Variants in SYT3 observed in about 807,000 individuals in gnomAD.
SYT3 encodes the protein synaptotagmin 3.
A neutral mutation model predicts 50.6 loss-of-function variants in SYT3; 25 were observed. That is an observed-to-expected ratio of 0.49 (90% CI 0.36 to 0.69). The LOEUF (loss-of-function observed/expected upper bound fraction) is 0.69. SYT3 is among the 30% of genes least tolerant of loss of function. The pLI is 0.00. For missense variants in SYT3, 589 were observed against 793.6 expected (o/e 0.74, Z 3.10); for synonymous variants, 323 against 353.9 (o/e 0.91, Z 0.98).
the SYT3 span, among the ~76,000 whole-genome samples, chr19:50,652,573 C>T: frequency 6.6e-6 from 1 of 152,112 alleles, no homozygotes; most frequent in Non-Finnish European, 1.5e-5. Context: ...TCAGAGAGTC[C>T]AAGTCGCAGA....
chr19:50,627,360 A>C (rs1188041956), intron 6 of SYT3, among the ~76,000 whole-genome samples: 3 of 152,140 alleles, frequency 2.0e-5, no homozygotes, highest in Non-Finnish European at 2.9e-5. Flanking sequence ...CCGACCATCT[A>C]GACCTGGAGC....
At position 50,639,677 on chromosome 19, in the gene SYT3, G is replaced by C. The variant is rs1226220801; in HGVS notation, c.-154+113C>G. ...GAGCGCTGCAGCGCTCCCACTCCCC[G>C]GCCCGAGATCCACGCGCCTCTGCAT... On this transcript the variant is annotated intron_variant, in intron 1 of 10. Transcript: ENST00000600079. This position sits in a 1 kb window ranked among gnomAD's most constrained non-coding sequence, Gnocchi z 4.6. 6.6e-6 allele frequency: 1 copy of C among 151,108 alleles called. No homozygotes were observed. Among genetic ancestry groups the C allele is most frequent in the Non-Finnish European group, 1.5e-5 (1 of 67,506 alleles). The allele number at this position is 151,108 out of a possible 1,614,324, so 9.4% of individuals were successfully genotyped here.
chr19:50,626,310 A>T (rs966672975), intron 6 of SYT3, among the ~76,000 whole-genome samples: 2 of 152,198 alleles, frequency 1.3e-5, no homozygotes. Flanking sequence ...CACAAAGAGA[A>T]ATAGACTGAG....
upstream of SYT3, among the ~76,000 whole-genome samples, chr19:50,644,755 G>A (rs1194108261): frequency 1.3e-5 from 2 of 152,032 alleles, no homozygotes; most frequent in Non-Finnish European, 2.9e-5. Flanking sequence ...GTGGAGGGTT[G>A]GGTGGATGGA....
rs767665467 is a variant in SYT3, at chr19:50,632,339, G to A, written c.621C>T (p.Gly207=). ...GLLLLPPSGG[G]LPSAQSHQQV... ...GCTGATGTGACTGGGCACTGGGCAA[G>A]CCCCCACCACTGGGGGGCAGCAGGA... Residue 207 remains glycine (G), a synonymous_variant, in exon 4 of 11, where the codon GGC becomes GGT. Transcript: ENST00000600079. This position sits in a 1 kb window ranked among gnomAD's most constrained non-coding sequence, Gnocchi z 4.7. 1.0e-5 allele frequency: 16 copies of A among 1,605,262 alleles called. No individual in the cohort carries two copies. The Admixed American group carries it at 2.5e-4, about 25-fold the overall frequency.
the SYT3 span, chr19:50,649,673 T>C: frequency 1.2e-6 from 1 of 805,082 alleles, no homozygotes; most frequent in East Asian, 2.7e-5. Context: ...AGCGGCCCCC[T>C]TGGACCTCAA....
At chr19:50,650,117 TCTCTGACTTC>T in the SYT3 span, among the ~76,000 whole-genome samples, 1 of 152,164 alleles carries the variant, frequency 6.6e-6, no homozygotes, top group South Asian at 2.1e-4. Context: ...CAGAGAGGTC[TCTCTGACTTC>T]CTGCAGTGAT....
At chr19:50,633,716 G>A (rs772977311) in intron 3 of SYT3, among the ~76,000 whole-genome samples, 1 of 152,224 alleles carries the variant, frequency 6.6e-6, no homozygotes, top group Admixed American at 6.5e-5. Flanking sequence ...CTTGAGGGGT[G>A]ATTACATACC....
chr19:50,650,771 G>A, the SYT3 span, among the ~76,000 whole-genome samples: 4 of 152,204 alleles, frequency 2.6e-5, no homozygotes, highest in Non-Finnish European at 5.9e-5. Flanking sequence ...CTCAGCCTTC[G>A]AGGCCGAACA....
the SYT3 span, among the ~76,000 whole-genome samples, chr19:50,651,292 C>T: frequency 6.6e-6 from 1 of 152,192 alleles, no homozygotes; most frequent in Non-Finnish European, 1.5e-5. Flanking sequence ...AAAACCTTGG[C>T]CCATGCTAGG....
At chr19:50,646,703 G>C in the SYT3 span, among the ~76,000 whole-genome samples, 3 of 152,108 alleles carry the variant, frequency 2.0e-5, no homozygotes, top group Non-Finnish European at 4.4e-5. Context: ...CTTATTAAAA[G>C]ATGAGGGCAT....
chr19:50,642,624 G>A (rs575890932), upstream of SYT3, among the ~76,000 whole-genome samples: 7 of 151,932 alleles, frequency 4.6e-5, no homozygotes, highest in East Asian at 1.2e-3. Context: ...ACCTGAGGTC[G>A]GGAGTTTGAG....
At chr19:50,649,679 C>T in the SYT3 span, 3 of 765,404 alleles carry the variant, frequency 3.9e-6, no homozygotes, top group South Asian at 2.9e-5. Flanking sequence ...CCCCTTGGAC[C>T]TCAAACTACA....
Position 50,623,613 on chromosome 19 carries a change from C to CAAAAAAAAAAAA in SYT3, c.1708-870_1708-859dup, listed in dbSNP as rs529397903. Among the ~76,000 whole-genome samples, 92 of 91,606 alleles carry CAAAAAAAAAAAA rather than the reference C, an allele frequency of 1.0e-3. 8 individuals carry two copies. The highest frequency in any genetic ancestry group is 1.4e-3 in the Non-Finnish European group (69 of 48,476). The allele number at this position is 91,606 out of a possible 152,430, so 60.1% of individuals were successfully genotyped here. ...ACAACATGGCAAAACCCTGTCTCTACAAAAAAAAAAAAAAAAAAAAAAAAA... is the reference window on the plus strand; with the variant it reads ...ACAACATGGCAAAACCCTGTCTCTACAAAAAAAAAAAAAAAAAAAAAAAAAAAAAAAAAAAAA... On this transcript the variant is annotated intron_variant, in intron 9 of 10. Transcript: ENST00000600079.
the SYT3 span, among the ~76,000 whole-genome samples, chr19:50,657,279 C>G: frequency 6.6e-6 from 1 of 152,352 alleles, no homozygotes; most frequent in East Asian, 1.9e-4. Flanking sequence ...CACCCCATCA[C>G]TCCACTTCTT....
intron 6 of SYT3, chr19:50,626,266 G>A (rs1207794451): frequency 8.8e-6 from 4 of 452,780 alleles, no homozygotes; most frequent in Admixed American, 3.6e-5. Context: ...AGAGAGAGGA[G>A]GGGAGAGACA....
chr19:50,643,228 G>A (rs557664790), upstream of SYT3, among the ~76,000 whole-genome samples: 12 of 152,062 alleles, frequency 7.9e-5, no homozygotes, highest in Admixed American at 3.9e-4. Context: ...AAATTTAGCC[G>A]GGCATGGTGG....
Position 50,637,160 on chromosome 19 carries a change from C to T in SYT3, c.148+104G>A, listed in dbSNP as rs1021086379. ...CAGGCAGAATGGGGGCAAGACGCTA[C>T]GAGGGACTGACCCCACAAGCAATGG... is the stretch of plus-strand genomic sequence containing the variant. On this transcript the variant is annotated intron_variant, in intron 3 of 10. Coordinates refer to ENST00000600079, the MANE Select transcript of SYT3 (RefSeq NM_001160329.2). This position sits in a 1 kb window ranked among gnomAD's most constrained non-coding sequence, Gnocchi z 4.9. The T allele has an allele frequency of 6.0e-5, 83 of 1,392,368 alleles. No individual in the cohort carries two copies. Among genetic ancestry groups the T allele is most frequent in the Admixed American group, 2.0e-4 (11 of 55,538 alleles). 86.3% of individuals were successfully genotyped at this position (1,392,368 alleles called of 1,614,324 possible).
At chr19:50,635,189 T>C (rs1984457025) in intron 3 of SYT3, among the ~76,000 whole-genome samples, 1 of 151,960 alleles carries the variant, frequency 6.6e-6, no homozygotes, top group African/African-American at 2.4e-5. Flanking sequence ...ATTACAGGTG[T>C]GAGCCACCAC....
Sources: allele counts gnomAD v4.1 joint callset (sites outside exome capture counted in the v4.1 genomes callset), GRCh38; gene constraint gnomAD v4.1.1; non-coding constraint Gnocchi (gnomAD v3.1); transcripts MANE v1.5; gene names NCBI Gene and HGNC (gene_info 2026-07-23, HGNC 2026-07-21).